Variants in STK32C observed in about 807,000 individuals in gnomAD.
STK32C encodes the protein serine/threonine-protein kinase 32C.
STK32C carries 31 observed loss-of-function variants against 56.5 expected under a neutral mutation model. The observed-to-expected ratio is 0.55, with a 90% confidence interval of 0.41 to 0.74. The LOEUF (loss-of-function observed/expected upper bound fraction) is 0.74. Among genes scored for constraint, STK32C ranks in the 30% least tolerant of loss-of-function variants. The pLI is 0.00. For synonymous variants in STK32C, 309 were observed against 289.4 expected (o/e 1.07, Z -0.69); for missense variants, 544 against 676.9 (o/e 0.80, Z 2.18).
rs950286436 is a variant in STK32C at position 132,207,697 on chromosome 10, A to G, written c.*313T>C. ...GCCGTGCACAGCCTCCGGGCTGAGC[A>G]GGGACAAAGACTCCTGTCCCATCCA... On this transcript the variant is annotated 3_prime_UTR_variant, in exon 12 of 12. Coordinates refer to ENST00000298630, the MANE Select transcript of STK32C (RefSeq NM_173575.4). 3.3e-5 allele frequency: 9 copies of G among 272,416 alleles called. No individual in the cohort carries two copies. Among genetic ancestry groups the G allele is most frequent in the Middle Eastern group, 1.0e-3 (1 of 982 alleles). The allele number at this position is 272,416 out of a possible 1,614,324, so 16.9% of individuals were successfully genotyped here.
At chr10:132,277,159 A>G (rs1418615455) in intron 1 of STK32C, among the ~76,000 whole-genome samples, 1 of 152,188 alleles carries the variant, frequency 6.6e-6, no homozygotes, top group Non-Finnish European at 1.5e-5. Flanking sequence ...CTGCCTTCCC[A>G]TGGATGCACA....
At chr10:132,248,944 G>A (rs1307707132) in intron 1 of STK32C, 19 of 456,518 alleles carry the variant, frequency 4.2e-5, no homozygotes, top group Middle Eastern at 3.2e-4. Context: ...TCCCGGAGAG[G>A]AAAAGGATGG....
chr10:132,225,400 G>T (rs750215616), intron 6 of STK32C, 64 bp from the exon 7 acceptor site: 2 of 1,585,390 alleles, frequency 1.3e-6, no homozygotes. Flanking sequence ...GTGGGCACAG[G>T]GCCGGCACCT....
chr10:132,256,976 C>T (rs551675602), intron 1 of STK32C, among the ~76,000 whole-genome samples: 64 of 152,290 alleles, frequency 4.2e-4, no homozygotes, highest in Admixed American at 3.7e-3. Flanking sequence ...TGAGGGGGAG[C>T]GAGCCCAGTG....
chr10:132,249,012 C>G (rs1489424096), intron 1 of STK32C: 2 of 465,802 alleles, frequency 4.3e-6, no homozygotes, highest in African/African-American at 4.0e-5. Flanking sequence ...GCAATTGGGT[C>G]ACCTGCGCCC....
rs569459675 is a variant in STK32C, at chr10:132,210,910, G to A, written c.1252-1809C>T. Among the ~76,000 whole-genome samples the A allele has an allele frequency of 8.5e-5, 13 of 152,288 alleles. No homozygotes were observed. The East Asian group carries it at 1.7e-3, about 20-fold the overall frequency. On this transcript the variant is annotated intron_variant, in intron 10 of 11. Transcript: ENST00000298630. ...CCTAGCCCTGAGTGGGGACTGTCCC[G>A]CCCGCTCCTCCTGGTGGTGTCACCC... is the stretch of plus-strand genomic sequence containing the variant.
At chr10:132,247,438 G>C (rs899486761) in intron 1 of STK32C, among the ~76,000 whole-genome samples, 15 of 152,304 alleles carry the variant, frequency 9.8e-5, no homozygotes, top group African/African-American at 3.1e-4. Flanking sequence ...CCTGAGCTAC[G>C]GGTGCCGTGA....
At chr10:132,310,284 C>G (rs1415503992), upstream of STK32C, among the ~76,000 whole-genome samples, 2 of 152,170 alleles carry the variant, frequency 1.3e-5, no homozygotes, top group East Asian at 3.9e-4. The surrounding 1 kb of genome is among the most constrained non-coding windows in gnomAD (Gnocchi z 4.6). Context: ...ACAGCAGCTC[C>G]CAAAAGAATG....
intron 1 of STK32C, among the ~76,000 whole-genome samples, chr10:132,313,083 A>G (rs2066250109): frequency 6.6e-6 from 1 of 152,326 alleles, no homozygotes; most frequent in East Asian, 1.9e-4. Flanking sequence ...GTTCCTGGCT[A>G]TGATGGTGGG....
chr10:132,242,703 C>T (rs1324008743), intron 2 of STK32C, among the ~76,000 whole-genome samples: 8 of 152,218 alleles, frequency 5.3e-5, no homozygotes, highest in Admixed American at 5.2e-4. Flanking sequence ...TTGGGGCCCA[C>T]CACTGTTTTG....
chr10:132,252,885 AG>A (rs1280640269), intron 1 of STK32C, among the ~76,000 whole-genome samples: 3 of 152,164 alleles, frequency 2.0e-5, no homozygotes, highest in Non-Finnish European at 2.9e-5. Flanking sequence ...GCCTCCTCCC[AG>A]GTCACTCTGG....
intron 1 of STK32C, among the ~76,000 whole-genome samples, chr10:132,251,316 C>T (rs1463880984): frequency 2.6e-5 from 4 of 152,180 alleles, no homozygotes; most frequent in Admixed American, 6.5e-5. Context: ...AGCAGAGGGA[C>T]GGGTCTGCGT....
intron 1 of STK32C, among the ~76,000 whole-genome samples, chr10:132,258,834 C>A (rs2138050547): frequency 6.6e-6 from 1 of 152,356 alleles, no homozygotes; most frequent in Non-Finnish European, 1.5e-5. Context: ...CGAGGAGGGG[C>A]TGCGAGGGCC....
intron 10 of STK32C, among the ~76,000 whole-genome samples, chr10:132,217,665 G>A (rs1321015995): frequency 6.6e-6 from 1 of 152,140 alleles, no homozygotes; most frequent in Non-Finnish European, 1.5e-5. Context: ...TTGAATTATG[G>A]GGGCGGGTCT....
At chr10:132,295,243 G>A (rs1344115554) in intron 1 of STK32C, among the ~76,000 whole-genome samples, 1 of 152,198 alleles carries the variant, frequency 6.6e-6, no homozygotes, top group Non-Finnish European at 1.5e-5. Context: ...GGGACCCAGA[G>A]CTCAGTGTCT....
chr10:132,234,636 C>A (rs573587117), intron 2 of STK32C, among the ~76,000 whole-genome samples: 1 of 152,382 alleles, frequency 6.6e-6, no homozygotes, highest in African/African-American at 2.4e-5. Flanking sequence ...GGCTCTCCCC[C>A]TCCTGCTTGG....
chr10:132,326,327 T>C (rs933074764), intron 1 of STK32C, among the ~76,000 whole-genome samples: 4 of 152,188 alleles, frequency 2.6e-5, no homozygotes, highest in Non-Finnish European at 4.4e-5. Context: ...GTTCTGTCAG[T>C]CTTAAAACCT....
At chr10:132,217,051 C>T (rs971521120) in intron 10 of STK32C, among the ~76,000 whole-genome samples, 1 of 152,210 alleles carries the variant, frequency 6.6e-6, no homozygotes, top group African/African-American at 2.4e-5. Context: ...TCCTCTACAC[C>T]CCAGAATGGT....
At chr10:132,267,734 CGTGT>C (rs1234187299) in intron 1 of STK32C, among the ~76,000 whole-genome samples, 2 of 107,244 alleles carry the variant, frequency 1.9e-5, no homozygotes, top group East Asian at 2.8e-4. Flanking sequence ...TGTCCCACAT[CGTGT>C]GTGTGTGTGT....
Sources: allele counts gnomAD v4.1 joint callset (sites outside exome capture counted in the v4.1 genomes callset), GRCh38; gene constraint gnomAD v4.1.1; non-coding constraint Gnocchi (gnomAD v3.1); transcripts MANE v1.5; gene names NCBI Gene and HGNC (gene_info 2026-07-23, HGNC 2026-07-21).